NHSL2: variants seen among roughly 807,000 people sequenced by gnomAD.
The protein encoded by NHSL2 is NHS-like protein 2.
NHSL2 carries 27 observed loss-of-function variants against 53.4 expected under a neutral mutation model. The observed-to-expected ratio is 0.51, with a 90% CI of 0.37 to 0.70. NHSL2 has a LOEUF of 0.70. NHSL2 is among the 30% of genes least tolerant of loss of function. The probability of loss-of-function intolerance (pLI) is 0.00; values close to 1 mark genes in which losing one functional copy is unlikely to be tolerated. For missense variants in NHSL2, 892 were observed against 980.1 expected, an observed-to-expected ratio of 0.91 and a Z score of 1.20; for synonymous variants, 408 against 404.1, an observed-to-expected ratio of 1.01 and a Z score of -0.12.
At chrX:72,117,200 G>A (rs1459553135) in intron 1 of NHSL2, among the ~76,000 whole-genome samples, 1 of 107,243 alleles carries the variant, frequency 9.3e-6, no homozygotes, top group African/African-American at 3.4e-5. Context: ...GTCTGAGTAT[G>A]GGGCTTGTCT....
chrX:72,034,436 C>A (rs1311679355), intron 1 of NHSL2, among the ~76,000 whole-genome samples: 4 of 111,557 alleles, frequency 3.6e-5, no homozygotes, highest in African/African-American at 9.8e-5. Context: ...GGGTATAATA[C>A]CTCATAAATT....
At chrX:72,095,250 A>G (rs1027019349) in intron 1 of NHSL2, among the ~76,000 whole-genome samples, 1 of 112,662 alleles carries the variant, frequency 8.9e-6, no homozygotes, top group Non-Finnish European at 1.9e-5. Context: ...AAGTAATTAA[A>G]CGAGCAAACA....
chrX:72,055,982 G>A (rs765409228), intron 1 of NHSL2, among the ~76,000 whole-genome samples: 1 of 112,027 alleles, frequency 8.9e-6, no homozygotes, highest in Non-Finnish European at 1.9e-5. Context: ...TGTTAAATAA[G>A]TAAATTGCTT....
chrX:71,926,015 A>C (rs1284051178), intron 1 of NHSL2, among the ~76,000 whole-genome samples: 1 of 111,902 alleles, frequency 8.9e-6, no homozygotes, highest in Non-Finnish European at 1.9e-5. Flanking sequence ...AGTGGATTGC[A>C]AGAGATTCAG....
intron 1 of NHSL2, among the ~76,000 whole-genome samples, chrX:72,082,593 C>T (rs1033487130): frequency 1.4e-4 from 16 of 112,096 alleles, no homozygotes; most frequent in South Asian, 3.7e-4. Context: ...AGTTAGGAAG[C>T]GACAGAACAG....
intron 1 of NHSL2, among the ~76,000 whole-genome samples, chrX:72,010,705 A>T (rs1270818340): frequency 8.9e-6 from 1 of 112,469 alleles, no homozygotes; most frequent in Non-Finnish European, 1.9e-5. Context: ...TTCTTAATTA[A>T]ACTTTTAATT....
rs746944849 is a variant in NHSL2 at position 72,076,919 on chromosome X, T to C, written c.281-55160T>C. Among the ~76,000 whole-genome samples the C allele has an allele frequency of 3.6e-5, 4 of 111,282 alleles. No homozygotes were observed. In the Admixed American group the frequency reaches 3.8e-4, roughly 11 times the overall value. ...GGGGGTCCCAGGAGCAGGGTGAGGC[T>C]CCTAATTGCTCCCCACCATTCGGGT... On this transcript the variant is annotated intron_variant, in intron 1 of 7. Transcript: ENST00000633930.
intron 1 of NHSL2, among the ~76,000 whole-genome samples, chrX:71,922,149 AT>A (rs2041662517): frequency 8.9e-6 from 1 of 112,339 alleles, no homozygotes; most frequent in Non-Finnish European, 1.9e-5. Flanking sequence ...AAGAAAGAGT[AT>A]TTATCTTTTT....
Position 72,024,302 on chromosome X carries a change from C to T in NHSL2, c.281-107777C>T, listed in dbSNP as rs779683250. Among the ~76,000 whole-genome samples the T allele has an allele frequency of 4.5e-5, 5 of 111,697 alleles. No homozygotes were observed. In the East Asian group the frequency reaches 1.4e-3, roughly 32 times the overall value. ...TGGTTTGGTGGTGAGGTAAGGACAG[C>T]GACTGAGGCTACAAATGGGGCTACC... On this transcript the variant is annotated intron_variant, in intron 1 of 7. Transcript: ENST00000633930.
chrX:72,070,195 C>T (rs1232412322), intron 1 of NHSL2, among the ~76,000 whole-genome samples: 1 of 96,931 alleles, frequency 1.0e-5, no homozygotes, highest in Admixed American at 1.1e-4. Context: ...TGAACATGTA[C>T]ACCTACACCT....
Position 72,003,297 on chromosome X carries a change from A to T in NHSL2, c.280+91930A>T, listed in dbSNP as rs377237230. 1.1e-3 allele frequency among the ~76,000 whole-genome samples: 118 copies of T among 111,181 alleles called. 2 individuals carry two copies. The South Asian group carries it at 0.044, about 41-fold the overall frequency. On this transcript the variant is annotated intron_variant, in intron 1 of 7. Coordinates refer to ENST00000633930, the MANE Select transcript of NHSL2 (RefSeq NM_001013627.3). ...ATAGGCAGCAGATATGTACATCTAG[A>T]AGTTTCACTCTGGAGCTTTCACCTG...
At chrX:72,053,413 C>T (rs1414930359) in intron 1 of NHSL2, among the ~76,000 whole-genome samples, 1 of 112,032 alleles carries the variant, frequency 8.9e-6, no homozygotes, top group Non-Finnish European at 1.9e-5. Flanking sequence ...GTAAACTCCA[C>T]CACACTAATT....
intron 1 of NHSL2, among the ~76,000 whole-genome samples, chrX:72,038,013 C>G (rs976630298): frequency 8.0e-5 from 9 of 112,141 alleles, no homozygotes; most frequent in African/African-American, 2.9e-4. Context: ...ACCAAAAGCT[C>G]AAAGAATCCC....
chrX:71,922,920 C>G (rs1024968900), intron 1 of NHSL2, among the ~76,000 whole-genome samples: 1 of 111,936 alleles, frequency 8.9e-6, no homozygotes, highest in Non-Finnish European at 1.9e-5. Flanking sequence ...CTGCCTGTTG[C>G]GAAATAGCCC....
intron 1 of NHSL2, among the ~76,000 whole-genome samples, chrX:71,946,637 C>T (rs2041793961): frequency 8.9e-6 from 1 of 111,960 alleles, no homozygotes; most frequent in Non-Finnish European, 1.9e-5. Context: ...CCCATATCAT[C>T]TTATATCTGG....
chrX:71,985,910 A>G lies in NHSL2; in HGVS notation c.280+74543A>G, dbSNP rs1022810592. Among the ~76,000 whole-genome samples, 3 of 112,319 alleles carry G rather than the reference A, an allele frequency of 2.7e-5. No individual in the cohort carries two copies. In the Admixed American group the frequency reaches 2.8e-4, roughly 11 times the overall value. ...ACCTTTTAAAGAGGATCAAAACAAGACAACAATTGCCTGTGGATGACAAAA... is the reference window on the plus strand; with the variant it reads ...ACCTTTTAAAGAGGATCAAAACAAGGCAACAATTGCCTGTGGATGACAAAA... On this transcript the variant is annotated intron_variant, in intron 1 of 7. Coordinates refer to ENST00000633930, the MANE Select transcript of NHSL2 (RefSeq NM_001013627.3).
At chrX:72,140,850 A>C (rs777354217) in intron 6 of NHSL2, 79 bp downstream of exon 6, 297 of 820,702 alleles carry the variant, frequency 3.6e-4, no homozygotes, top group Non-Finnish European at 4.9e-4. Context: ...AGATGGAAGC[A>C]GATGCCCCAG....
chrX:71,958,788 A>G (rs2041854721), intron 1 of NHSL2, among the ~76,000 whole-genome samples: 1 of 112,542 alleles, frequency 8.9e-6, no homozygotes, highest in East Asian at 2.8e-4. Flanking sequence ...ATTTCAGCAG[A>G]TATTTTCAAA....
intron 1 of NHSL2, among the ~76,000 whole-genome samples, chrX:72,067,660 C>A (rs2042439165): frequency 8.9e-6 from 1 of 112,248 alleles, no homozygotes; most frequent in South Asian, 3.7e-4. Context: ...TCCCAAGATG[C>A]TTCACTTCTG....
Sources: gnomAD v4.1 joint callset for allele counts (sites outside exome capture counted in the v4.1 genomes callset) on GRCh38, gnomAD v4.1.1 for gene constraint, MANE v1.5 for transcripts, NCBI Gene and HGNC (gene_info 2026-07-23, HGNC 2026-07-21) for gene names.